The following CDH20 variants were observed in gnomAD, a reference collection of about 807,000 sequenced individuals.
CDH20 encodes the protein cadherin-20.
In CDH20, 29 loss-of-function variants were observed where a neutral mutation model predicts 74.2. That is an observed-to-expected ratio of 0.39 (90% CI 0.29 to 0.53). CDH20 has a LOEUF of 0.53. Ranked by LOEUF, CDH20 falls within the 20% of genes least tolerant of loss-of-function variation. The pLI is 0.69. For missense variants in CDH20, 988 were observed against 1,048.3 expected, an observed-to-expected ratio of 0.94 and a Z score of 0.79; for synonymous variants, 469 against 405.4, an observed-to-expected ratio of 1.16 and a Z score of -1.88.
At position 61,449,515 on chromosome 18, in the gene CDH20, G is replaced by C. The variant is rs866314245; in HGVS notation, c.-152-40887G>C. On this transcript the variant is annotated intron_variant, in intron 1 of 11. Coordinates refer to ENST00000262717, the MANE Select transcript of CDH20 (RefSeq NM_031891.4). ...CCAGGCAGCATGTTGGCATCCGATA[G>C]CCATGTACACAGAATAATATATTGT... Among the ~76,000 whole-genome samples the C allele has an allele frequency of 1.3e-3, 196 of 152,066 alleles. 1 individual carries two copies. The highest frequency in any genetic ancestry group is 4.4e-3 in the African/African-American group (184 of 41,522).
At chr18:61,526,274 A>G (rs1268391304) in intron 6 of CDH20, among the ~76,000 whole-genome samples, 4 of 151,694 alleles carry the variant, frequency 2.6e-5, no homozygotes, top group Non-Finnish European at 5.9e-5. Context: ...GATTACAGGC[A>G]TGTGCCACCA....
At chr18:61,418,759 T>C (rs993168240) in intron 1 of CDH20, among the ~76,000 whole-genome samples, 2 of 152,140 alleles carry the variant, frequency 1.3e-5, no homozygotes, top group African/African-American at 2.4e-5. Flanking sequence ...TACATTTTTA[T>C]GCAAAAAATA....
chr18:61,355,026 G>A (rs1221627015), intron 1 of CDH20, among the ~76,000 whole-genome samples: 1 of 152,212 alleles, frequency 6.6e-6, no homozygotes, highest in African/African-American at 2.4e-5. Flanking sequence ...AGGAGAGATT[G>A]CACTCCACCC....
chr18:61,555,264 G>A lies in CDH20; in HGVS notation c.*569G>A. The A allele has an allele frequency of 4.6e-6, 4 of 865,362 alleles. No individual in the cohort carries two copies. The highest frequency in any genetic ancestry group is 5.4e-6 in the Non-Finnish European group (4 of 737,136). The allele number at this position is 865,362 out of a possible 1,614,324, so 53.6% of individuals were successfully genotyped here. On this transcript the variant is annotated 3_prime_UTR_variant, in exon 12 of 12. Coordinates refer to ENST00000262717, the MANE Select transcript of CDH20 (RefSeq NM_031891.4). ...TTGAGACAAGGTTAAGACTGAATCA[G>A]CCTTGCATGGGGGTGGATGGGTGGG...
chr18:61,490,878 C>T, intron 2 of CDH20, 79 bp downstream of exon 2: 1 of 1,484,276 alleles, frequency 6.7e-7, no homozygotes, highest in South Asian at 1.2e-5. Context: ...GTTGACCTAG[C>T]CTTTATCTGA....
intron 1 of CDH20, among the ~76,000 whole-genome samples, chr18:61,434,958 A>G (rs1908783355): frequency 6.6e-6 from 1 of 152,150 alleles, no homozygotes; most frequent in Non-Finnish European, 1.5e-5. Flanking sequence ...TCCTGTGTTT[A>G]CCCTTTTATT....
chr18:61,342,648 C>G (rs1174353566), intron 1 of CDH20, among the ~76,000 whole-genome samples: 1 of 152,198 alleles, frequency 6.6e-6, no homozygotes, highest in Non-Finnish European at 1.5e-5. Flanking sequence ...AAAATGTCTC[C>G]AGACATTGCC....
intron 1 of CDH20, among the ~76,000 whole-genome samples, chr18:61,459,865 G>A (rs1428194702): frequency 6.6e-6 from 1 of 152,138 alleles, no homozygotes; most frequent in Non-Finnish European, 1.5e-5. Context: ...GTGCTATACT[G>A]ACAACTGAGA....
chr18:61,514,280 A>C (rs913421726), intron 6 of CDH20, among the ~76,000 whole-genome samples: 36 of 151,948 alleles, frequency 2.4e-4, no homozygotes, highest in Non-Finnish European at 4.0e-4. Flanking sequence ...CCTTTCTTCC[A>C]GTTGATCGCA....
intron 1 of CDH20, among the ~76,000 whole-genome samples, chr18:61,487,536 C>T (rs1022829821): frequency 2.0e-5 from 3 of 152,156 alleles, no homozygotes; most frequent in Non-Finnish European, 2.9e-5. Context: ...TACGACATTG[C>T]GGTCTTTGTG....
intron 1 of CDH20, among the ~76,000 whole-genome samples, chr18:61,384,697 T>C (rs75571170): frequency 0.043 from 6,514 of 152,226 alleles, 218 homozygotes; most frequent in South Asian, 0.14. Context: ...ACCAATTTTT[T>C]TCATGGATAA....
intron 4 of CDH20, among the ~76,000 whole-genome samples, chr18:61,501,722 T>C (rs1270675843): frequency 1.3e-5 from 2 of 152,124 alleles, no homozygotes; most frequent in African/African-American, 4.8e-5. Context: ...AGAAAAAAGA[T>C]TGCAGTTAGA....
chr18:61,463,755 A>C (rs998585153), intron 1 of CDH20, among the ~76,000 whole-genome samples: 1 of 151,956 alleles, frequency 6.6e-6, no homozygotes, highest in Non-Finnish European at 1.5e-5. Flanking sequence ...TCAACTCCCA[A>C]CTCTGGGCAC....
At chr18:61,419,696 T>G (rs185305093) in intron 1 of CDH20, among the ~76,000 whole-genome samples, 1 of 152,300 alleles carries the variant, frequency 6.6e-6, no homozygotes, top group East Asian at 1.9e-4. Flanking sequence ...ATCCCATCTT[T>G]ATAGGTCATG....
In CDH20 at chr18:61,536,355, C is replaced by G. The variant is rs975077471; in HGVS notation, c.1272-138C>G. On this transcript the variant is annotated intron_variant, in intron 7 of 11. Coordinates refer to ENST00000262717, the MANE Select transcript of CDH20 (RefSeq NM_031891.4). Reference sequence around the variant, plus strand: ...TTTTGTTTCTGAACAAATAAAACCACGAATGCAGTCTTCCAGTAGCCATAA... The same window carrying G: ...TTTTGTTTCTGAACAAATAAAACCAGGAATGCAGTCTTCCAGTAGCCATAA... The G allele has an allele frequency of 2.1e-5, 13 of 625,402 alleles. No homozygotes were observed. The South Asian group carries it at 3.5e-4, about 17-fold the overall frequency. The allele number at this position is 625,402 out of a possible 1,614,324, so 38.7% of individuals were successfully genotyped here. A position where few individuals can be genotyped will look rare whatever the true frequency, so the allele number is the denominator to read the frequency against.
chr18:61,338,321 G>C (rs1165698307), intron 1 of CDH20, among the ~76,000 whole-genome samples: 2 of 151,342 alleles, frequency 1.3e-5, no homozygotes, highest in East Asian at 3.9e-4. Flanking sequence ...TTATTTAATT[G>C]CTATCCATGG....
At chr18:61,487,108 A>G (rs529287840) in intron 1 of CDH20, among the ~76,000 whole-genome samples, 107 of 152,322 alleles carry the variant, frequency 7.0e-4, no homozygotes, top group African/African-American at 2.5e-3. Context: ...AACTTTTAAA[A>G]GACTCATTTA....
At chr18:61,531,249 CA>C (rs573950798) in intron 7 of CDH20, among the ~76,000 whole-genome samples, 8 of 152,218 alleles carry the variant, frequency 5.3e-5, no homozygotes, top group Non-Finnish European at 1.2e-4. Context: ...GCAATGCTGT[CA>C]GGGGTCCTGT....
chr18:61,490,834 G>T (rs773712867), intron 2 of CDH20, 35 bp downstream of exon 2: 5 of 1,603,842 alleles, frequency 3.1e-6, no homozygotes, highest in Admixed American at 1.7e-5. Flanking sequence ...CCCGGGTATT[G>T]GATATTGAAA....
Sources: allele counts gnomAD v4.1 joint callset (sites outside exome capture counted in the v4.1 genomes callset), GRCh38; gene constraint gnomAD v4.1.1; transcripts MANE v1.5; gene names NCBI Gene and HGNC (gene_info 2026-07-23, HGNC 2026-07-21).